Variants in XKR9 observed in about 807,000 individuals in gnomAD.
XKR9 encodes XK-related protein 9.
In XKR9, 32 loss-of-function variants were observed where a neutral mutation model predicts 32.0. The ratio of observed to expected loss-of-function variants is 1.00; its 90% confidence interval spans 0.76 to 1.34. The LOEUF (loss-of-function observed/expected upper bound fraction) is 1.34, where lower values mean the gene tolerates loss of function less well. Among genes scored for constraint, XKR9 ranks in the 40% most tolerant of loss-of-function variants. The pLI is 0.00. For synonymous variants in XKR9, 168 were observed against 143.4 expected (o/e 1.17, Z -1.22); for missense variants, 546 against 429.7 (o/e 1.27, Z -2.39).
intron 2 of XKR9, among the ~76,000 whole-genome samples, chr8:70,759,541 TG>T (rs970709118): frequency 2.0e-5 from 3 of 152,178 alleles, no homozygotes; most frequent in African/African-American, 4.8e-5. Flanking sequence ...AGAAAACAAA[TG>T]TTTTTTTTTC....
the XKR9 span, among the ~76,000 whole-genome samples, chr8:71,040,238 C>T: frequency 6.6e-6 from 1 of 152,010 alleles, no homozygotes; most frequent in Non-Finnish European, 1.5e-5. Flanking sequence ...TTGGCCAGCA[C>T]AGGGAGAAAG....
At chr8:71,045,433 T>C in the XKR9 span, among the ~76,000 whole-genome samples, 1 of 152,210 alleles carries the variant, frequency 6.6e-6, no homozygotes, top group African/African-American at 2.4e-5. Flanking sequence ...GTCGATCTTC[T>C]ACGTGCTCTT....
At chr8:70,819,455 A>C in the XKR9 span, among the ~76,000 whole-genome samples, 1 of 152,172 alleles carries the variant, frequency 6.6e-6, no homozygotes, top group East Asian at 1.9e-4. Flanking sequence ...CAATGTGTCC[A>C]CTAGTGTTTC....
chr8:70,855,841 G>T, the XKR9 span, among the ~76,000 whole-genome samples: 5 of 152,168 alleles, frequency 3.3e-5, no homozygotes, highest in Admixed American at 2.0e-4. Context: ...TTAAAGAAAA[G>T]AATTTTCAAC....
At chr8:70,825,060 C>T in the XKR9 span, among the ~76,000 whole-genome samples, 1 of 152,076 alleles carries the variant, frequency 6.6e-6, no homozygotes, top group Non-Finnish European at 1.5e-5. Context: ...GTTTCACATT[C>T]ATTATGATTC....
downstream of XKR9, among the ~76,000 whole-genome samples, chr8:70,736,312 G>GT (rs1365820674): frequency 8.1e-6 from 1 of 123,178 alleles, no homozygotes; most frequent in Non-Finnish European, 2.0e-5. Flanking sequence ...TTTTGATGGG[G>GT]TTGTTTGTTT....
the XKR9 span, among the ~76,000 whole-genome samples, chr8:70,799,479 T>G: frequency 6.6e-6 from 1 of 152,062 alleles, no homozygotes; most frequent in Non-Finnish European, 1.5e-5. Flanking sequence ...TACTGGTGCG[T>G]GCCACCATGC....
chr8:70,925,851 CAA>C, the XKR9 span, among the ~76,000 whole-genome samples: 5 of 151,860 alleles, frequency 3.3e-5, no homozygotes, highest in Admixed American at 1.3e-4. Flanking sequence ...AGGAAAGAAA[CAA>C]ATATTTATAA....
chr8:70,813,091 A>G, the XKR9 span, among the ~76,000 whole-genome samples: 2 of 152,186 alleles, frequency 1.3e-5, no homozygotes, highest in African/African-American at 4.8e-5. Flanking sequence ...GTACCAAAAC[A>G]GAGATATAGA....
chr8:70,871,806 G>A, the XKR9 span, among the ~76,000 whole-genome samples: 9 of 152,194 alleles, frequency 5.9e-5, no homozygotes, highest in Non-Finnish European at 1.3e-4. Flanking sequence ...GCTATGTGAG[G>A]CAGGCATGTT....
the XKR9 span, among the ~76,000 whole-genome samples, chr8:71,049,317 AAC>A: frequency 6.6e-6 from 1 of 152,194 alleles, no homozygotes; most frequent in African/African-American, 2.4e-5. Context: ...TAGAAAATAA[AAC>A]ACACATGCTT....
chr8:70,784,749 T>C (rs1807661105), intron 2 of XKR9, among the ~76,000 whole-genome samples: 1 of 152,282 alleles, frequency 6.6e-6, no homozygotes, highest in Middle Eastern at 3.4e-3. Flanking sequence ...ATAGAAATGG[T>C]AAGAATAGGC....
chr8:70,836,470 C>T, the XKR9 span, among the ~76,000 whole-genome samples: 1 of 151,982 alleles, frequency 6.6e-6, no homozygotes, highest in Non-Finnish European at 1.5e-5. Flanking sequence ...TTTTACTCAG[C>T]ATACTATTTT....
intron 2 of XKR9, among the ~76,000 whole-genome samples, chr8:70,771,036 G>C (rs894238861): frequency 7.9e-5 from 12 of 152,182 alleles, no homozygotes; most frequent in African/African-American, 2.7e-4. Flanking sequence ...CCAGGGCCCT[G>C]GTGGTGTAGG....
the XKR9 span, among the ~76,000 whole-genome samples, chr8:70,820,273 G>T: frequency 6.6e-6 from 1 of 152,094 alleles, no homozygotes; most frequent in East Asian, 1.9e-4. Flanking sequence ...ATACCCTTTT[G>T]TCTGATCATA....
chr8:71,048,006 A>C, the XKR9 span, among the ~76,000 whole-genome samples: 1 of 152,200 alleles, frequency 6.6e-6, no homozygotes, highest in African/African-American at 2.4e-5. Flanking sequence ...TATTACTGGG[A>C]TATTACATAT....
the XKR9 span, among the ~76,000 whole-genome samples, chr8:70,851,987 T>C: frequency 1.1e-4 from 17 of 152,186 alleles, 1 homozygote; most frequent in African/African-American, 4.1e-4. Context: ...ATCATCAAAG[T>C]GAACAGGCAA....
the XKR9 span, among the ~76,000 whole-genome samples, chr8:70,985,308 G>A: frequency 1.3e-5 from 2 of 152,120 alleles, no homozygotes; most frequent in Non-Finnish European, 2.9e-5. Context: ...ATGGTTTCCA[G>A]CCTCATTCAT....
At position 70,735,380 on chromosome 8, in the gene XKR9, A is replaced by G. The variant is rs1422814382; in HGVS notation, c.*956A>G. On this transcript the variant is annotated 3_prime_UTR_variant, in exon 5 of 5. Transcript: ENST00000408926. ...CCAGATTTCATGTGTGTGAAACTTA[A>G]TCTCCAAATTTGTATGTTGATGGCA... The G allele has an allele frequency of 6.6e-6, 1 of 151,828 alleles. No homozygotes were observed. Among genetic ancestry groups the G allele is most frequent in the African/African-American group, 2.4e-5 (1 of 41,402 alleles). The allele number at this position is 151,828 out of a possible 1,614,324, so 9.4% of individuals were successfully genotyped here.
Sources: allele counts gnomAD v4.1 joint callset (sites outside exome capture counted in the v4.1 genomes callset), GRCh38; gene constraint gnomAD v4.1.1; transcripts MANE v1.5; gene names NCBI Gene and HGNC (gene_info 2026-07-23, HGNC 2026-07-21).